MTR: variants seen among roughly 807,000 people sequenced by gnomAD.
The protein encoded by MTR is 5-methyltetrahydrofolate-homocysteine methyltransferase.
In MTR, 84 loss-of-function variants were observed where a neutral mutation model predicts 154.8. That is an observed-to-expected ratio of 0.54 (90% confidence interval 0.45 to 0.65). The LOEUF (loss-of-function observed/expected upper bound fraction) is 0.65. Among genes scored for constraint, MTR ranks in the 30% least tolerant of loss-of-function variants. The probability of loss-of-function intolerance (pLI) is 0.00; values close to 1 mark genes in which losing one functional copy is unlikely to be tolerated. For missense variants in MTR, 1,275 were observed against 1,570.2 expected, an observed-to-expected ratio of 0.81 and a Z score of 3.18; for synonymous variants, 554 against 553.9, an observed-to-expected ratio of 1.00 and a Z score of 0.00.
At chr1:236,803,824 G>A (rs1262663200) in intron 2 of MTR, among the ~76,000 whole-genome samples, 182 bp downstream of exon 2, 2 of 152,202 alleles carry the variant, frequency 1.3e-5, no homozygotes, top group Admixed American at 1.3e-4. Context: ...TCAGGATAAG[G>A]GAATGAGGTA....
intron 18 of MTR, among the ~76,000 whole-genome samples, chr1:236,856,689 A>AC (rs941503999): frequency 1.3e-5 from 2 of 150,146 alleles, no homozygotes; most frequent in Non-Finnish European, 3.0e-5. Context: ...TAGCTTCCCA[A>AC]CCCCCCGACA....
chr1:236,841,893 C>CT lies in MTR; in HGVS notation c.1515+3311dup, dbSNP rs1178746827. On this transcript the variant is annotated intron_variant, in intron 15 of 32. Coordinates refer to ENST00000366577, the MANE Select transcript of MTR (RefSeq NM_000254.3). ...TAAGAAGTCCAGTGCTATTCTAACT[C>CT]TTTTTTTTTTTTTTTTTGAGACGGA... is the stretch of plus-strand genomic sequence containing the variant. Among the ~76,000 whole-genome samples, 1,339 of 139,868 alleles carry CT rather than the reference C, an allele frequency of 9.6e-3. 17 individuals carry two copies. The highest frequency in any genetic ancestry group is 0.049 in the Middle Eastern group (13 of 264). The allele number at this position is 139,868 out of a possible 152,430, so 91.8% of individuals were successfully genotyped here.
At chr1:236,882,090 C>T (rs1381707754) in intron 25 of MTR, among the ~76,000 whole-genome samples, 1 of 152,144 alleles carries the variant, frequency 6.6e-6, no homozygotes, top group Non-Finnish European at 1.5e-5. Flanking sequence ...TTTTTATTTG[C>T]CATTGATGTA....
chr1:236,811,897 A>G (rs1345013534), intron 5 of MTR, among the ~76,000 whole-genome samples: 1 of 152,236 alleles, frequency 6.6e-6, no homozygotes, highest in Non-Finnish European at 1.5e-5. Flanking sequence ...CAACGATGTT[A>G]CAAGAGGACT....
chr1:236,861,286 A>C lies in MTR; in HGVS notation c.2196+9A>C. 1 of 1,613,804 alleles carries C rather than the reference A, an allele frequency of 6.2e-7. No individual in the cohort carries two copies. The highest frequency in any genetic ancestry group is 8.5e-7 in the Non-Finnish European group (1 of 1,179,888). ...AAATGTTTCTACCTCAGGTTAGCAA[A>C]ATATGGGGAGAAATTTTCACAGTTG... On this transcript the variant is annotated intron_variant, in intron 20 of 32. Coordinates refer to ENST00000366577, the MANE Select transcript of MTR (RefSeq NM_000254.3).
chr1:236,829,412 T>G, intron 12 of MTR, 144 bp downstream of exon 12: 1 of 768,926 alleles, frequency 1.3e-6, no homozygotes, highest in East Asian at 2.7e-5. Context: ...AAATGAATTC[T>G]AGTGAAGAAC....
intron 24 of MTR, among the ~76,000 whole-genome samples, chr1:236,875,475 AT>A (rs1665379048): frequency 1.3e-5 from 2 of 152,190 alleles, no homozygotes; most frequent in Admixed American, 1.3e-4. Context: ...TGGGATCATG[AT>A]CATAGTGATA....
chr1:236,883,965 T>C (rs1468167567), intron 25 of MTR, among the ~76,000 whole-genome samples: 2 of 152,260 alleles, frequency 1.3e-5, no homozygotes, highest in African/African-American at 2.4e-5. Flanking sequence ...ATTTTTTAAC[T>C]GATGTGATCA....
At chr1:236,896,954 C>A in intron 31 of MTR, 52 bp from the exon 32 acceptor site, 1 of 1,333,722 alleles carries the variant, frequency 7.5e-7, no homozygotes, top group Non-Finnish European at 1.1e-6. Context: ...AGCTGCAGGC[C>A]CTGTGCTAGA....
chr1:236,862,493 G>T (rs1664600909), intron 21 of MTR, 150 bp downstream of exon 21: 2 of 683,372 alleles, frequency 2.9e-6, no homozygotes, highest in East Asian at 5.4e-5. Context: ...TTTTTTAACC[G>T]AGTATCAGAA....
chr1:236,805,938 A>C (rs1173719399), intron 2 of MTR, among the ~76,000 whole-genome samples: 1 of 152,124 alleles, frequency 6.6e-6, no homozygotes, highest in Non-Finnish European at 1.5e-5. Context: ...GTCTGAATTC[A>C]AGTTTCGTGT....
At chr1:236,834,296 C>T (rs188775324) in intron 13 of MTR, among the ~76,000 whole-genome samples, 2 of 152,306 alleles carry the variant, frequency 1.3e-5, no homozygotes, top group Non-Finnish European at 2.9e-5. Flanking sequence ...TCTCCTGCCC[C>T]AGCCTCCAGA....
intron 6 of MTR, 137 bp from the exon 7 acceptor site, chr1:236,815,467 A>G (rs1322235535): frequency 2.4e-6 from 2 of 838,026 alleles, no homozygotes; most frequent in East Asian, 2.5e-5. Context: ...CTTATAAGGA[A>G]GACACTTCTT....
chr1:236,888,276 A>G (rs1319827685), intron 27 of MTR, among the ~76,000 whole-genome samples: 1 of 152,182 alleles, frequency 6.6e-6, no homozygotes, highest in African/African-American at 2.4e-5. Flanking sequence ...ACTCCAGCCT[A>G]ATCCTGCCAT....
chr1:236,816,513 T>C lies in MTR; in HGVS notation c.734T>C (p.Val245Ala). ...TCCGGACAGACAGGAGAGGGATTTG[T>C]CATCAGCGTGTCTCATGGAGAACCA... is the stretch of plus-strand genomic sequence containing the variant. Reference protein sequence around the residue: ...TLSGQTGEGFVISVSHGEPLC... With the variant: ...TLSGQTGEGFAISVSHGEPLC... The change falls in exon 8 of 33, where the codon GTC (valine) becomes GCC (alanine). Residue 245 changes from valine to alanine, a missense_variant. Transcript: ENST00000366577. 1 of 1,614,146 alleles carries C rather than the reference T, an allele frequency of 6.2e-7. No individual in the cohort carries two copies. Among genetic ancestry groups the C allele is most frequent in the Non-Finnish European group, 8.5e-7 (1 of 1,179,994 alleles).
Position 236,894,002 on chromosome 1 carries a change from T to C in MTR, c.3205-355T>C, listed in dbSNP as rs555341093. ...AATTGAAAACACTTGGGGACAAATT[T>C]TTTTTTTTTTTTAAACCGTGACTTT... On this transcript the variant is annotated intron_variant, in intron 29 of 32. Transcript: ENST00000366577. Among the ~76,000 whole-genome samples, 704 of 152,012 alleles carry C rather than the reference T, an allele frequency of 4.6e-3. 11 individuals are homozygous for C. The highest frequency in any genetic ancestry group is 0.016 in the African/African-American group (681 of 41,486).
At chr1:236,830,903 C>T (rs1662574039) in intron 12 of MTR, among the ~76,000 whole-genome samples, 1 of 152,172 alleles carries the variant, frequency 6.6e-6, no homozygotes, top group Non-Finnish European at 1.5e-5. Context: ...TTTTTCTCTG[C>T]CTCATATCTG....
chr1:236,838,587 TGAA>T lies in MTR; in HGVS notation c.1508_1510del (p.Glu503del). 6.2e-7 allele frequency: 1 copy of T among 1,614,100 alleles called. No homozygotes were observed. The highest frequency in any genetic ancestry group is 8.5e-7 in the Non-Finnish European group (1 of 1,179,988). On this transcript the variant is annotated inframe_deletion, in exon 15 of 33. Transcript: ENST00000366577. Reference sequence around the variant, plus strand: ...CTGCTATGGTGGTCATGGCTTTTGATGAAGAAGGACAGGTGAGTGGTTTCTTTT... The same window carrying T: ...CTGCTATGGTGGTCATGGCTTTTGATGAAGGACAGGTGAGTGGTTTCTTTT...
chr1:236,816,690 C>T (rs1054374518), intron 8 of MTR, 147 bp downstream of exon 8: 2 of 753,078 alleles, frequency 2.7e-6, no homozygotes, highest in Non-Finnish European at 4.6e-6. Context: ...TACTTTCAGA[C>T]TTTTCCCTAA....
Sources: allele counts gnomAD v4.1 joint callset (sites outside exome capture counted in the v4.1 genomes callset), GRCh38; gene constraint gnomAD v4.1.1; transcripts MANE v1.5; gene names NCBI Gene and HGNC (gene_info 2026-07-23, HGNC 2026-07-21).